The following PRPF39 variants were observed in gnomAD, a reference collection of about 807,000 sequenced individuals.
The protein encoded by PRPF39 is pre-mRNA processing factor 39.
In PRPF39, 27 loss-of-function variants were observed where a neutral mutation model predicts 82.1. That is an observed-to-expected ratio of 0.33 (90% confidence interval 0.24 to 0.45). The LOEUF (loss-of-function observed/expected upper bound fraction) is 0.45, where lower values mean the gene tolerates loss of function less well. Among genes scored for constraint, PRPF39 ranks in the 20% least tolerant of loss-of-function variants. The pLI is 1.00. For synonymous variants in PRPF39, 261 were observed against 256.4 expected, an observed-to-expected ratio of 1.02 and a Z score of -0.17; for missense variants, 581 against 796.9, an observed-to-expected ratio of 0.73 and a Z score of 3.26.
In PRPF39 at chr14:45,110,060, A is replaced by G. The variant is rs776922499; in HGVS notation, c.1177-34A>G. ...CAAATTTAATGGCTTGTTCAACTGT[A>G]AATTATTCAGTATTTCCTCTTTTCT... On this transcript the variant is annotated intron_variant, in intron 8 of 13. Transcript: ENST00000355765. This position sits in a 1 kb window ranked among gnomAD's most constrained non-coding sequence, Gnocchi z 4.0. 1 of 1,609,112 alleles carries G rather than the reference A, an allele frequency of 6.2e-7. No homozygotes were observed. Among genetic ancestry groups the G allele is most frequent in the Non-Finnish European group, 8.5e-7 (1 of 1,177,386 alleles).
intron 1 of PRPF39, among the ~76,000 whole-genome samples, chr14:45,091,513 A>T (rs1566690340): frequency 6.6e-6 from 1 of 152,226 alleles, no homozygotes; most frequent in Non-Finnish European, 1.5e-5. Flanking sequence ...TTAAAGGGTC[A>T]CACATAGACA....
intron 1 of PRPF39, among the ~76,000 whole-genome samples, chr14:45,085,146 C>T (rs1448778557): frequency 6.6e-6 from 1 of 152,120 alleles, no homozygotes; most frequent in East Asian, 1.9e-4. Flanking sequence ...GTGTTTTAGG[C>T]TGTATGGGAG....
chr14:45,112,194 A>C (rs188610140), intron 10 of PRPF39, 124 bp from the exon 11 acceptor site: 3 of 856,880 alleles, frequency 3.5e-6, no homozygotes, highest in African/African-American at 3.5e-5. Flanking sequence ...ATTTAGCATG[A>C]GTTGTATTTT....
chr14:45,088,593 T>C (rs1594722329), intron 1 of PRPF39, among the ~76,000 whole-genome samples: 1 of 152,340 alleles, frequency 6.6e-6, no homozygotes, highest in East Asian at 1.9e-4. Flanking sequence ...TTACTATTCA[T>C]GTACATTTAG....
At chr14:45,092,264 C>G (rs959876571) in intron 1 of PRPF39, among the ~76,000 whole-genome samples, 2 of 152,142 alleles carry the variant, frequency 1.3e-5, no homozygotes, top group Non-Finnish European at 2.9e-5. Context: ...GGGTAGGCAA[C>G]TAACAGTGTC....
Position 45,109,707 on chromosome 14 carries a change from C to T in PRPF39, c.1103C>T (p.Thr368Ile). The change falls in exon 8 of 14, where the codon ACT (threonine) becomes ATT (isoleucine). Residue 368 changes from threonine (T) to isoleucine (I), a missense_variant. By Grantham distance (89) the Thr-to-Ile change is moderately conservative. Transcript: ENST00000355765. ...TTAGAATTTGAAATTGAAAATGGGA[C>T]TCATGAACGAGTTGTGGTTCTCTTT... ...EYLEFEIENGTHERVVVLFER... is the reference protein window; with the variant it reads ...EYLEFEIENGIHERVVVLFER... The T allele has an allele frequency of 6.2e-7, 1 of 1,608,632 alleles. No homozygotes were observed. Among genetic ancestry groups the T allele is most frequent in the Non-Finnish European group, 8.5e-7 (1 of 1,177,084 alleles).
At chr14:45,089,217 T>G (rs1250475420) in intron 1 of PRPF39, among the ~76,000 whole-genome samples, 1 of 152,178 alleles carries the variant, frequency 6.6e-6, no homozygotes, top group Non-Finnish European at 1.5e-5. Context: ...TTCTAGGAAT[T>G]TTATAGTTTT....
At chr14:45,109,067 C>G (rs1006115917) in intron 7 of PRPF39, among the ~76,000 whole-genome samples, 9 of 152,166 alleles carry the variant, frequency 5.9e-5, no homozygotes, top group Non-Finnish European at 1.2e-4. Flanking sequence ...CTACCCCTAC[C>G]TCCTCAGCTG....
At chr14:45,108,382 TGA>T in intron 6 of PRPF39, 31 bp from the exon 7 acceptor site, 1 of 1,555,828 alleles carries the variant, frequency 6.4e-7, no homozygotes, top group Non-Finnish European at 8.6e-7. Context: ...ATACAGTTTG[TGA>T]GATTTATTTT....
chr14:45,096,995 A>G lies in PRPF39; in HGVS notation c.559A>G (p.Thr187Ala), dbSNP rs1349262780. The change falls in exon 4 of 14, where the codon ACA (threonine) becomes GCA (alanine). Residue 187 changes from threonine (T) to alanine (A), a missense_variant. Transcript: ENST00000355765. Reference sequence around the variant, plus strand: ...CCCTGGTGATCCTGAGACAAACAATACAATAAGAGGGTATGTGGAACATTG... The same window carrying G: ...CCCTGGTGATCCTGAGACAAACAATGCAATAAGAGGGTATGTGGAACATTG... ...LDPGDPETNN[T>A]IRGTFEHAVL... is the part of the protein sequence containing the mutation. 2.0e-6 allele frequency: 3 copies of G among 1,536,700 alleles called. No individual in the cohort carries two copies. The highest frequency in any genetic ancestry group is 2.2e-5 in the Admixed American group (1 of 45,494).
intron 12 of PRPF39, 105 bp downstream of exon 12, chr14:45,114,362 A>G: frequency 7.5e-7 from 1 of 1,331,682 alleles, no homozygotes; most frequent in Non-Finnish European, 1.0e-6. Context: ...TACATACTTT[A>G]TTTTCATGAT....
chr14:45,112,584 T>C, intron 11 of PRPF39, 82 bp downstream of exon 11: 1 of 1,237,494 alleles, frequency 8.1e-7, no homozygotes, highest in Non-Finnish European at 1.0e-6. Context: ...TTAGTATAGA[T>C]TAATACATTG....
At chr14:45,094,454 T>A (rs1175362503) in intron 1 of PRPF39, among the ~76,000 whole-genome samples, 2 of 152,106 alleles carry the variant, frequency 1.3e-5, no homozygotes, top group African/African-American at 4.8e-5. Flanking sequence ...GGCTGGAGTA[T>A]CGTAGCAGGG....
At chr14:45,107,698 G>T (rs1734865915) in intron 6 of PRPF39, 82 bp downstream of exon 6, 2 of 1,388,286 alleles carry the variant, frequency 1.4e-6, no homozygotes, top group South Asian at 1.4e-5. Context: ...GGAGGCCAAG[G>T]TAGGCGGGTC....
intron 10 of PRPF39, among the ~76,000 whole-genome samples, chr14:45,111,631 C>CTTTTTTT (rs58863567): frequency 8.5e-5 from 5 of 58,804 alleles, no homozygotes; most frequent in African/African-American, 2.3e-4. Flanking sequence ...TGCACCTGGG[C>CTTTTTTT]TTTTTTTTTT....
intron 4 of PRPF39, among the ~76,000 whole-genome samples, chr14:45,099,803 C>T (rs1431093505): frequency 6.6e-6 from 1 of 152,106 alleles, no homozygotes; most frequent in Admixed American, 6.6e-5. Flanking sequence ...TTTATACTCT[C>T]CAATTCTTGT....
intron 10 of PRPF39, among the ~76,000 whole-genome samples, chr14:45,111,631 C>CTTTTTTTTTT (rs58863567): frequency 1.7e-5 from 1 of 58,804 alleles, no homozygotes; most frequent in Non-Finnish European, 3.2e-5. Flanking sequence ...TGCACCTGGG[C>CTTTTTTTTTT]TTTTTTTTTT....
chr14:45,097,167 A>T (rs1884223985), intron 4 of PRPF39, among the ~76,000 whole-genome samples, 162 bp downstream of exon 4: 1 of 152,200 alleles, frequency 6.6e-6, no homozygotes, highest in South Asian at 2.1e-4. Context: ...GAAAATGCAG[A>T]TAATAAAGCC....
chr14:45,109,519 A>C, intron 7 of PRPF39, 97 bp from the exon 8 acceptor site: 1 of 972,794 alleles, frequency 1.0e-6, no homozygotes, highest in Non-Finnish European at 1.4e-6. Context: ...AATTTTAATC[A>C]TCAATTATAT....
Sources: allele counts gnomAD v4.1 joint callset (sites outside exome capture counted in the v4.1 genomes callset), GRCh38; gene constraint gnomAD v4.1.1; non-coding constraint Gnocchi (gnomAD v3.1); transcripts MANE v1.5; gene names NCBI Gene and HGNC (gene_info 2026-07-23, HGNC 2026-07-21).